Variants in DNAJC6 observed in about 807,000 individuals in gnomAD.
The protein encoded by DNAJC6 is auxilin.
A neutral mutation model predicts 110.0 loss-of-function variants in DNAJC6; 34 were observed. That is an observed-to-expected ratio of 0.31 (90% confidence interval 0.24 to 0.41). The LOEUF is 0.41. Among genes scored for constraint, DNAJC6 ranks in the 10% least tolerant of loss-of-function variants. The pLI is 1.00. For synonymous variants in DNAJC6, 406 were observed against 437.2 expected (o/e 0.93, Z 0.89); for missense variants, 1,031 against 1,207.8 (o/e 0.85, Z 2.17).
intron 1 of DNAJC6, among the ~76,000 whole-genome samples, chr1:65,333,700 A>G (rs917704296): frequency 6.6e-6 from 1 of 152,200 alleles, no homozygotes; most frequent in African/African-American, 2.4e-5. Flanking sequence ...ATTGCTTTAA[A>G]TGTTTGAGGA....
At chr1:65,401,737 T>G (rs367590221) in intron 14 of DNAJC6, 24 bp from the exon 15 acceptor site, 574 of 1,596,282 alleles carry the variant, frequency 3.6e-4, no homozygotes, top group Non-Finnish European at 4.6e-4. Context: ...TAACTCATTT[T>G]CAATGACCTT....
rs1645595057 is a variant in DNAJC6 at position 65,361,269 on chromosome 1, G to T, written c.194-3366G>T. Among the ~76,000 whole-genome samples the T allele has an allele frequency of 2.6e-5, 4 of 152,204 alleles. No homozygotes were observed. The South Asian group carries it at 8.3e-4, about 31-fold the overall frequency. The stretch of plus-strand genomic sequence containing the variant: ...GGAGAGCTCAGTTAGTGGTAGAGAT[G>T]ATTAATGTTTGTCCATATGTCCATT... On this transcript the variant is annotated intron_variant, in intron 1 of 18. Transcript: ENST00000371069.
intron 11 of DNAJC6, among the ~76,000 whole-genome samples, chr1:65,390,368 A>G (rs900864659): frequency 2.6e-5 from 4 of 152,232 alleles, no homozygotes; most frequent in Non-Finnish European, 2.9e-5. Flanking sequence ...GCTGCAGAGA[A>G]AGCAAACACT....
chr1:65,403,839 C>T (rs1646051602), intron 15 of DNAJC6, among the ~76,000 whole-genome samples: 1 of 152,084 alleles, frequency 6.6e-6, no homozygotes, highest in Admixed American at 6.5e-5. Flanking sequence ...GTTGATGAGC[C>T]CCATGAGTGC....
intron 1 of DNAJC6, among the ~76,000 whole-genome samples, chr1:65,336,973 T>G (rs901810246): frequency 1.3e-5 from 2 of 152,022 alleles, no homozygotes; most frequent in African/African-American, 4.8e-5. Context: ...GTTTCTTCTC[T>G]ATGTCTCTTT....
intron 1 of DNAJC6, among the ~76,000 whole-genome samples, chr1:65,265,907 T>C (rs1653305864): frequency 6.6e-6 from 1 of 152,120 alleles, no homozygotes; most frequent in Non-Finnish European, 1.5e-5. Context: ...ACGCTAATTT[T>C]AGGGTTCGCC....
chr1:65,309,742 G>A lies in DNAJC6; in HGVS notation c.-4G>A, dbSNP rs1188915822. The A allele has an allele frequency of 6.5e-7, 1 of 1,543,732 alleles. No individual in the cohort carries two copies. The highest frequency in any genetic ancestry group is 8.7e-7 in the Non-Finnish European group (1 of 1,144,102). ...ATTATTTTCTCTTTTCTCCGGGCTT[G>A]CCCATGAGCCTCCTCGGGAGCTACC... On this transcript the variant is annotated 5_prime_UTR_variant, in exon 1 of 19. Coordinates refer to ENST00000371069, the MANE Select transcript of DNAJC6 (RefSeq NM_001256864.2).
intron 14 of DNAJC6, among the ~76,000 whole-genome samples, chr1:65,399,715 C>G (rs1204453807): frequency 6.6e-6 from 1 of 152,186 alleles, no homozygotes; most frequent in Non-Finnish European, 1.5e-5. Context: ...TCTGCCTCCA[C>G]CAGCCCCTGG....
At chr1:65,349,006 AT>A (rs1367502876) in intron 1 of DNAJC6, among the ~76,000 whole-genome samples, 10 of 145,654 alleles carry the variant, frequency 6.9e-5, no homozygotes, top group Non-Finnish European at 1.4e-4. Flanking sequence ...GTAAATATAT[AT>A]AAGTATATGT....
chr1:65,302,895 C>T (rs1259815121), intron 1 of DNAJC6, among the ~76,000 whole-genome samples: 1 of 152,108 alleles, frequency 6.6e-6, no homozygotes, highest in Admixed American at 6.6e-5. Flanking sequence ...TGATGCAGCA[C>T]GAAGGCCCTC....
At chr1:65,271,801 G>GGAGATTGCAGTGAGCC (rs1161486568) in intron 1 of DNAJC6, among the ~76,000 whole-genome samples, 1 of 151,030 alleles carries the variant, frequency 6.6e-6, no homozygotes, top group African/African-American at 2.4e-5. Flanking sequence ...ACTAGGAGGT[G>GGAGATTGCAGTGAGCC]GAGATTGCAG....
intron 15 of DNAJC6, among the ~76,000 whole-genome samples, chr1:65,403,043 A>G (rs1646044223): frequency 6.6e-6 from 1 of 152,244 alleles, no homozygotes; most frequent in Non-Finnish European, 1.5e-5. Context: ...ATAACCAAAC[A>G]AAACAAAACT....
intron 1 of DNAJC6, among the ~76,000 whole-genome samples, chr1:65,300,092 T>C (rs545708488): frequency 1.3e-5 from 2 of 150,068 alleles, no homozygotes; most frequent in East Asian, 3.9e-4. Flanking sequence ...CAGTGGTTAA[T>C]GGTGGTAGGT....
intron 1 of DNAJC6, among the ~76,000 whole-genome samples, chr1:65,337,717 T>TTA (rs1352005989): frequency 2.6e-5 from 4 of 152,300 alleles, no homozygotes; most frequent in Admixed American, 1.3e-4. Context: ...GTAATAGGTA[T>TTA]TATACATAAT....
chr1:65,292,459 C>G (rs1002035152), intron 1 of DNAJC6, among the ~76,000 whole-genome samples: 2 of 151,492 alleles, frequency 1.3e-5, no homozygotes, highest in Admixed American at 1.3e-4. Flanking sequence ...GAGACAGGGT[C>G]TTGGTGTATT....
chr1:65,361,147 T>C (rs1231706125), intron 1 of DNAJC6, among the ~76,000 whole-genome samples: 1 of 152,216 alleles, frequency 6.6e-6, no homozygotes, highest in Non-Finnish European at 1.5e-5. Flanking sequence ...TGAGCTTCCA[T>C]TGCTTCATCT....
At position 65,414,542 on chromosome 1, in the gene DNAJC6, G is replaced by C. The variant is rs183100818; in HGVS notation, c.*1517G>C. 58 of 152,748 alleles carry C rather than the reference G, an allele frequency of 3.8e-4. No homozygotes were observed. The highest frequency in any genetic ancestry group is 1.3e-3 in the African/African-American group (56 of 41,582). 9.5% of individuals were successfully genotyped at this position (152,748 alleles called of 1,614,324 possible). A position where few individuals can be genotyped will look rare whatever the true frequency, so the allele number is the denominator to read the frequency against. On this transcript the variant is annotated 3_prime_UTR_variant, in exon 19 of 19. Coordinates refer to ENST00000371069, the MANE Select transcript of DNAJC6 (RefSeq NM_001256864.2). ...TCTTGTGGCAAGCTATACCGGAAAAGCGGCATGTCAAAAATACTTTAGGTT... is the reference window on the plus strand; with the variant it reads ...TCTTGTGGCAAGCTATACCGGAAAACCGGCATGTCAAAAATACTTTAGGTT...
chr1:65,401,125 G>A (rs1170085505), intron 14 of DNAJC6, among the ~76,000 whole-genome samples: 1 of 151,750 alleles, frequency 6.6e-6, no homozygotes, highest in African/African-American at 2.4e-5. Context: ...GTTTTCTTCT[G>A]GTATTCATCT....
Position 65,389,460 on chromosome 1 carries a change from C to T in DNAJC6, c.1387+11C>T, listed in dbSNP as rs1340558391. 1 of 1,613,728 alleles carries T rather than the reference C, an allele frequency of 6.2e-7. No homozygotes were observed. Among genetic ancestry groups the T allele is most frequent in the East Asian group, 2.2e-5 (1 of 44,870 alleles). ...CGCTGGCCTTAGGAGGTATGAGTCACCTGATGGTTTTGTTTTTCAGGATGA... is the reference window on the plus strand; with the variant it reads ...CGCTGGCCTTAGGAGGTATGAGTCATCTGATGGTTTTGTTTTTCAGGATGA... On this transcript the variant is annotated intron_variant, in intron 10 of 18. Transcript: ENST00000371069.
Sources: gnomAD v4.1 joint callset for allele counts (sites outside exome capture counted in the v4.1 genomes callset) on GRCh38, gnomAD v4.1.1 for gene constraint, MANE v1.5 for transcripts, NCBI Gene and HGNC (gene_info 2026-07-23, HGNC 2026-07-21) for gene names.